The following PRORP variants were observed in gnomAD, a reference collection of about 807,000 sequenced individuals.
PRORP encodes protein only RNase P catalytic subunit.
In PRORP, 51 loss-of-function variants were observed where a neutral mutation model predicts 59.4. The observed-to-expected ratio is 0.86, with a 90% CI of 0.69 to 1.08. The LOEUF (loss-of-function observed/expected upper bound fraction) is 1.08. Among genes scored for constraint, PRORP ranks in the 50% least tolerant of loss-of-function variants. The probability of loss-of-function intolerance (pLI) is 0.00; values close to 1 mark genes in which losing one functional copy is unlikely to be tolerated. For synonymous variants in PRORP, 231 were observed against 245.6 expected, an observed-to-expected ratio of 0.94 and a Z score of 0.55; for missense variants, 646 against 690.3, an observed-to-expected ratio of 0.94 and a Z score of 0.72.
At chr14:35,176,071 G>A (rs1283347279) in intron 4 of PRORP, among the ~76,000 whole-genome samples, 2 of 152,130 alleles carry the variant, frequency 1.3e-5, no homozygotes, top group Non-Finnish European at 2.9e-5. Flanking sequence ...CATTATTTCT[G>A]AGGGCTCTGT....
chr14:35,168,506 T>C (rs2048239537), intron 4 of PRORP, among the ~76,000 whole-genome samples: 1 of 152,210 alleles, frequency 6.6e-6, no homozygotes, highest in African/African-American at 2.4e-5. Flanking sequence ...TTCCTTCCTC[T>C]AGATCCAAAC....
At chr14:35,258,906 T>C (rs749792703) in intron 5 of PRORP, among the ~76,000 whole-genome samples, 1 of 152,252 alleles carries the variant, frequency 6.6e-6, no homozygotes, top group Non-Finnish European at 1.5e-5. Flanking sequence ...TCATTCTTTC[T>C]TTTCAAAATT....
chr14:35,177,184 G>A (rs2048475019), intron 4 of PRORP, among the ~76,000 whole-genome samples: 1 of 121,588 alleles, frequency 8.2e-6, no homozygotes, highest in African/African-American at 3.0e-5. Flanking sequence ...GTTCATCTGG[G>A]ATATTGGTCT....
At chr14:35,195,912 G>A (rs1414260578) in intron 5 of PRORP, among the ~76,000 whole-genome samples, 3 of 152,108 alleles carry the variant, frequency 2.0e-5, no homozygotes, top group Admixed American at 2.0e-4. Context: ...AAATTACCTA[G>A]TTATGACTTT....
intron 3 of PRORP, 100 bp from the exon 4 acceptor site, chr14:35,127,379 T>C: frequency 1.2e-6 from 1 of 830,770 alleles, no homozygotes; most frequent in Non-Finnish European, 1.7e-6. Context: ...TGTTCTTTTT[T>C]ATTACCTTTT....
intron 4 of PRORP, among the ~76,000 whole-genome samples, chr14:35,171,779 A>C (rs929776548): frequency 6.6e-6 from 1 of 152,116 alleles, no homozygotes; most frequent in African/African-American, 2.4e-5. Context: ...GTAATTACAC[A>C]TGTTAATCTG....
chr14:35,192,248 A>G (rs2048901799), intron 5 of PRORP, among the ~76,000 whole-genome samples: 2 of 152,034 alleles, frequency 1.3e-5, no homozygotes, highest in Non-Finnish European at 2.9e-5. Context: ...CGTACTTGCT[A>G]TTTCTTTAAT....
In PRORP at chr14:35,261,739, C is replaced by T. The variant is rs950193462; in HGVS notation, c.1276-4988C>T. On this transcript the variant is annotated intron_variant, in intron 5 of 7. Transcript: ENST00000534898. ...GCGAGACTCTGTCTCAAAAAAAAAA[C>T]AAACAAACTATTCCAAGTATACCTA... Among the ~76,000 whole-genome samples the T allele has an allele frequency of 4.0e-5, 6 of 151,576 alleles. No individual in the cohort carries two copies. The East Asian group carries it at 1.2e-3, about 29-fold the overall frequency.
intron 5 of PRORP, among the ~76,000 whole-genome samples, chr14:35,187,078 G>A (rs997428819): frequency 7.9e-5 from 12 of 152,118 alleles, no homozygotes; most frequent in African/African-American, 2.7e-4. Flanking sequence ...CCTTTGGGTT[G>A]TTACCACTTC....
chr14:35,156,442 A>ATTTTTG (rs752847996), intron 4 of PRORP, among the ~76,000 whole-genome samples: 1 of 151,568 alleles, frequency 6.6e-6, no homozygotes, highest in Non-Finnish European at 1.5e-5. Context: ...TAGGTGTTTT[A>ATTTTTG]TTTTTGTTTT....
At position 35,143,723 on chromosome 14, in the gene PRORP, C is replaced by A. The variant is rs954545744; in HGVS notation, c.1167+16112C>A. Among the ~76,000 whole-genome samples the A allele has an allele frequency of 4.1e-5, 6 of 145,360 alleles. 1 individual carries two copies. Among genetic ancestry groups the A allele is most frequent in the Middle Eastern group, 3.5e-3 (1 of 284 alleles). On this transcript the variant is annotated intron_variant, in intron 4 of 7. Transcript: ENST00000534898. ...AGTGCAATGGCGCGATCTCGGCTCA[C>A]CGCAACCTCCGCCTCCGAGGTTCAA...
chr14:35,146,851 TGG>T (rs2047623003), intron 4 of PRORP, among the ~76,000 whole-genome samples: 1 of 152,166 alleles, frequency 6.6e-6, no homozygotes, highest in East Asian at 1.9e-4. Flanking sequence ...CCCAGTGCTT[TGG>T]GGCCCAGGCA....
At position 35,143,499 on chromosome 14, in the gene PRORP, A is replaced by G. The variant is rs1010273314; in HGVS notation, c.1167+15888A>G. Among the ~76,000 whole-genome samples, 11 of 146,022 alleles carry G rather than the reference A, an allele frequency of 7.5e-5. 2 individuals carry two copies. The Admixed American group carries it at 7.8e-4, about 10-fold the overall frequency. On this transcript the variant is annotated intron_variant, in intron 4 of 7. Coordinates refer to ENST00000534898, the MANE Select transcript of PRORP (RefSeq NM_014672.4). Reference sequence around the variant, plus strand: ...ATTTATTGAAAATAATATAAAAACTATTATAAAACATAACATTTTTATAGA... The same window carrying G: ...ATTTATTGAAAATAATATAAAAACTGTTATAAAACATAACATTTTTATAGA...
chr14:35,194,704 G>A (rs1181747289), intron 5 of PRORP, among the ~76,000 whole-genome samples: 2 of 152,024 alleles, frequency 1.3e-5, no homozygotes, highest in Non-Finnish European at 2.9e-5. Flanking sequence ...TTTTTAAAAA[G>A]TCAAAAAGTG....
chr14:35,139,801 G>T (rs1410050765), intron 4 of PRORP, among the ~76,000 whole-genome samples: 1 of 145,836 alleles, frequency 6.9e-6, no homozygotes, highest in East Asian at 2.3e-4. Context: ...CAATTCTGGA[G>T]GCTAGAAATC....
At position 35,274,851 on chromosome 14, in the gene PRORP, A is replaced by G. The variant is rs116210187; in HGVS notation, c.*1285A>G. The stretch of plus-strand genomic sequence containing the variant: ...TTTCCACTTAATCAAGTTTGACTTA[A>G]TTTAACAAAGTGATTATATTTTAAT... On this transcript the variant is annotated 3_prime_UTR_variant, in exon 8 of 8. Transcript: ENST00000534898. The G allele has an allele frequency of 4.3e-3, 656 of 152,256 alleles. 8 individuals are homozygous for G. Among genetic ancestry groups the G allele is most frequent in the African/African-American group, 0.015 (623 of 41,536 alleles). 9.4% of individuals were successfully genotyped at this position (152,256 alleles called of 1,614,324 possible).
rs151213300 is a variant in PRORP, at chr14:35,179,296, G to C, written c.1168-1374G>C. Among the ~76,000 whole-genome samples the C allele has an allele frequency of 1.6e-4, 25 of 152,332 alleles. No homozygotes were observed. In the East Asian group the frequency reaches 4.8e-3, roughly 29 times the overall value. ...AATTTGAATGGTGGCCTGCCTGCTA[G>C]GTTGGGGAAGTTCTCCTGGATAATA... On this transcript the variant is annotated intron_variant, in intron 4 of 7. Coordinates refer to ENST00000534898, the MANE Select transcript of PRORP (RefSeq NM_014672.4).
At chr14:35,219,498 TTTAGGTCCTGAGTAC>T (rs1485989019) in intron 5 of PRORP, among the ~76,000 whole-genome samples, 1 of 152,214 alleles carries the variant, frequency 6.6e-6, no homozygotes, top group African/African-American at 2.4e-5. Context: ...TGTGACAGTG[TTTAGGTCCTGAGTAC>T]TTGAAAAGTA....
intron 4 of PRORP, among the ~76,000 whole-genome samples, chr14:35,180,412 C>T (rs921779778): frequency 2.0e-5 from 3 of 152,118 alleles, no homozygotes; most frequent in African/African-American, 7.2e-5. Context: ...AATGAAATTA[C>T]ATATGAAAGT....
Sources: allele counts gnomAD v4.1 joint callset (sites outside exome capture counted in the v4.1 genomes callset), GRCh38; gene constraint gnomAD v4.1.1; transcripts MANE v1.5; gene names NCBI Gene and HGNC (gene_info 2026-07-23, HGNC 2026-07-21).